Variants in ATRNL1 observed in about 807,000 individuals in gnomAD.
ATRNL1 encodes attractin-like protein 1.
A neutral mutation model predicts 182.7 loss-of-function variants in ATRNL1; 95 were observed. The observed-to-expected ratio is 0.52, with a 90% CI of 0.44 to 0.62. The LOEUF (loss-of-function observed/expected upper bound fraction) is 0.62, where lower values mean the gene tolerates loss of function less well. Ranked by LOEUF, ATRNL1 falls within the 20% of genes least tolerant of loss-of-function variation. The pLI is 0.00. For synonymous variants in ATRNL1, 576 were observed against 568.3 expected, an observed-to-expected ratio of 1.01 and a Z score of -0.19; for missense variants, 1,471 against 1,679.5, an observed-to-expected ratio of 0.88 and a Z score of 2.17.
chr10:115,497,920 T>G (rs1554978862), intron 24 of ATRNL1, among the ~76,000 whole-genome samples: 1 of 152,150 alleles, frequency 6.6e-6, no homozygotes, highest in African/African-American at 2.4e-5. Context: ...CCTCCCGCAG[T>G]GCTGAGATTA....
chr10:115,396,761 C>A (rs1016549879), intron 20 of ATRNL1, among the ~76,000 whole-genome samples: 1 of 151,704 alleles, frequency 6.6e-6, no homozygotes, highest in Non-Finnish European at 1.5e-5. Flanking sequence ...ATAAATAGTT[C>A]TTTGATACAG....
rs543793056 is a variant in ATRNL1, at chr10:115,128,977, A to AT, written c.621-343dup. 6.6e-5 allele frequency among the ~76,000 whole-genome samples: 10 copies of AT among 152,224 alleles called. No individual in the cohort carries two copies. In the South Asian group the frequency reaches 1.5e-3, roughly 22 times the overall value. Reference sequence around the variant, plus strand: ...ATAGTTTTGAATTTTCATGAATTTAATTTTTTTCTGTAAAATATACAATCA... The same window carrying AT: ...ATAGTTTTGAATTTTCATGAATTTAATTTTTTTTCTGTAAAATATACAATCA... On this transcript the variant is annotated intron_variant, in intron 4 of 28. Transcript: ENST00000355044.
At chr10:115,701,511 A>C (rs1408777524) in intron 26 of ATRNL1, among the ~76,000 whole-genome samples, 3 of 151,968 alleles carry the variant, frequency 2.0e-5, no homozygotes, top group African/African-American at 7.2e-5. Flanking sequence ...ACAAAACCAA[A>C]AGTTGGTTAT....
chr10:115,645,925 A>C (rs1248629243), intron 26 of ATRNL1, among the ~76,000 whole-genome samples: 5 of 152,140 alleles, frequency 3.3e-5, no homozygotes, highest in Middle Eastern at 3.4e-3. Context: ...TCTCAAGGCA[A>C]AATTGGTACT....
At chr10:115,931,488 C>A (rs2054533) in intron 28 of ATRNL1, among the ~76,000 whole-genome samples, 95,684 of 152,006 alleles carry the variant, frequency 0.63, 35,328 homozygotes, top group East Asian at 0.92. Flanking sequence ...GGCCCCTTGC[C>A]CAGACCTCAG....
intron 21 of ATRNL1, among the ~76,000 whole-genome samples, 189 bp from the exon 22 acceptor site, chr10:115,461,752 T>C (rs1847807008): frequency 6.6e-6 from 1 of 152,152 alleles, no homozygotes. Context: ...TTAGTACTTC[T>C]TCCATAACTA....
intron 21 of ATRNL1, among the ~76,000 whole-genome samples, chr10:115,432,385 T>A (rs1426858132): frequency 6.6e-6 from 1 of 152,084 alleles, no homozygotes; most frequent in Non-Finnish European, 1.5e-5. Flanking sequence ...AGAAGCATAA[T>A]GGTAAAGCAC....
intron 28 of ATRNL1, among the ~76,000 whole-genome samples, chr10:115,890,296 G>T (rs1158336406): frequency 1.3e-5 from 2 of 152,072 alleles, no homozygotes; most frequent in African/African-American, 2.4e-5. Context: ...GAAGTTGAAG[G>T]ATTCCATTTT....
chr10:115,923,696 A>C (rs1245604588), intron 28 of ATRNL1, among the ~76,000 whole-genome samples: 2 of 152,154 alleles, frequency 1.3e-5, no homozygotes, highest in Non-Finnish European at 2.9e-5. Context: ...GCTGTTGTAA[A>C]TAGTGCCACA....
At chr10:115,489,608 GC>G (rs548563689) in intron 24 of ATRNL1, among the ~76,000 whole-genome samples, 197 of 152,110 alleles carry the variant, frequency 1.3e-3, no homozygotes, top group African/African-American at 4.4e-3. Context: ...TTTATTTTGA[GC>G]CTGTGTGTGT....
rs546252221 is a variant in ATRNL1, at chr10:115,782,162, A to T, written c.3903+54807A>T. 2.0e-5 allele frequency among the ~76,000 whole-genome samples: 3 copies of T among 152,330 alleles called. No individual in the cohort carries two copies. In the East Asian group the frequency reaches 5.8e-4, roughly 29 times the overall value. On this transcript the variant is annotated intron_variant, in intron 27 of 28. Coordinates refer to ENST00000355044, the MANE Select transcript of ATRNL1 (RefSeq NM_207303.4). ...ATAAAGTGGTATGTAAGGAGGCCAT[A>T]TGCCACAGAGCCCAGATGTTCTTGA...
chr10:115,447,259 T>G, intron 21 of ATRNL1, among the ~76,000 whole-genome samples: 1 of 151,830 alleles, frequency 6.6e-6, no homozygotes, highest in East Asian at 1.9e-4. Context: ...TAATAAAGCT[T>G]AACGCCTTGC....
At chr10:115,484,162 A>G (rs1388252160) in intron 24 of ATRNL1, among the ~76,000 whole-genome samples, 2 of 150,158 alleles carry the variant, frequency 1.3e-5, no homozygotes, top group Non-Finnish European at 3.0e-5. Flanking sequence ...TCTTTTTCAT[A>G]TCTTTTAAAA....
chr10:115,822,744 C>A (rs1274461950), intron 27 of ATRNL1, among the ~76,000 whole-genome samples: 4 of 152,150 alleles, frequency 2.6e-5, no homozygotes, highest in Non-Finnish European at 2.9e-5. Context: ...GAAGTCGAAT[C>A]CCTGAATAGA....
rs530237829 is a variant in ATRNL1, at chr10:115,369,368, G to A, written c.3176-25291G>A. ...GAAGGGGATAGGATTCTGTGAAGGC[G>A]ATGGGATTCCGTGAGAGGGATGAGG... On this transcript the variant is annotated intron_variant, in intron 19 of 28. Transcript: ENST00000355044. Among the ~76,000 whole-genome samples, 9 of 151,940 alleles carry A rather than the reference G, an allele frequency of 5.9e-5. No homozygotes were observed. The South Asian group carries it at 8.3e-4, about 14-fold the overall frequency.
intron 5 of ATRNL1, among the ~76,000 whole-genome samples, chr10:115,133,754 G>A (rs1305022026): frequency 1.3e-5 from 2 of 152,106 alleles, no homozygotes; most frequent in Non-Finnish European, 2.9e-5. Context: ...ATTCTTCTCA[G>A]CACCACATTG....
chr10:115,589,221 C>G (rs1555011378), intron 26 of ATRNL1, among the ~76,000 whole-genome samples: 1 of 152,110 alleles, frequency 6.6e-6, no homozygotes. Context: ...ATCTGTAAAA[C>G]ATTAACTTCT....
intron 27 of ATRNL1, among the ~76,000 whole-genome samples, chr10:115,841,797 A>G (rs1043984866): frequency 2.4e-4 from 36 of 152,068 alleles, no homozygotes; most frequent in Admixed American, 9.2e-4. Flanking sequence ...AGCCTAAACA[A>G]TGGAATCGGA....
chr10:115,296,292 T>C lies in ATRNL1; in HGVS notation c.2416-3742T>C, dbSNP rs542988818. On this transcript the variant is annotated intron_variant, in intron 15 of 28. Coordinates refer to ENST00000355044, the MANE Select transcript of ATRNL1 (RefSeq NM_207303.4). ...CCATTCACCACAGGTGCATCTCCACTCCCCCACTGCACTCCAGCACTCTCC... is the reference window on the plus strand; with the variant it reads ...CCATTCACCACAGGTGCATCTCCACCCCCCCACTGCACTCCAGCACTCTCC... Among the ~76,000 whole-genome samples, 7 of 152,088 alleles carry C rather than the reference T, an allele frequency of 4.6e-5. No individual in the cohort carries two copies. The East Asian group carries it at 1.4e-3, about 29-fold the overall frequency.
Sources: allele counts gnomAD v4.1 joint callset (sites outside exome capture counted in the v4.1 genomes callset), GRCh38; gene constraint gnomAD v4.1.1; transcripts MANE v1.5; gene names NCBI Gene and HGNC (gene_info 2026-07-23, HGNC 2026-07-21).